Variants in PPA2 observed in about 807,000 individuals in gnomAD.
PPA2 encodes inorganic pyrophosphatase 2, mitochondrial.
PPA2 carries 48 observed loss-of-function variants against 49.5 expected under a neutral mutation model. The ratio of observed to expected loss-of-function variants is 0.97; its 90% CI spans 0.77 to 1.23. The LOEUF (loss-of-function observed/expected upper bound fraction) is 1.23, where lower values mean the gene tolerates loss of function less well. Ranked by LOEUF, PPA2 falls within the 50% of genes most tolerant of loss-of-function variation. The pLI is 0.00. For synonymous variants in PPA2, 131 were observed against 139.9 expected, an observed-to-expected ratio of 0.94 and a Z score of 0.45; for missense variants, 429 against 410.1, an observed-to-expected ratio of 1.05 and a Z score of -0.40.
chr4:105,394,395 G>GAAATA, intron 9 of PPA2, among the ~76,000 whole-genome samples: 2 of 137,648 alleles, frequency 1.5e-5, no homozygotes, highest in Non-Finnish European at 1.5e-5. Flanking sequence ...AAAAAAGAAA[G>GAAATA]AAAAAAAAAG....
chr4:105,421,536 CTTGA>C (rs1333572862), intron 7 of PPA2, among the ~76,000 whole-genome samples: 1 of 151,988 alleles, frequency 6.6e-6, no homozygotes, highest in African/African-American at 2.4e-5. Flanking sequence ...TTAAAAGTTG[CTTGA>C]TTTAGGATTA....
chr4:105,415,570 C>T (rs772072070), intron 7 of PPA2, among the ~76,000 whole-genome samples: 10 of 152,172 alleles, frequency 6.6e-5, no homozygotes, highest in East Asian at 1.9e-4. Flanking sequence ...CTCAGGCCCC[C>T]GAGAGTGCAG....
intron 1 of PPA2, among the ~76,000 whole-genome samples, chr4:105,459,900 G>T (rs995312108): frequency 6.6e-6 from 1 of 152,208 alleles, no homozygotes; most frequent in African/African-American, 2.4e-5. Context: ...GGGGCTGATG[G>T]TAAGAGAGTA....
Position 105,446,502 on chromosome 4 carries a change from T to TA in PPA2, c.322-1_322insT (p.Ile108TyrfsTer11). On this transcript the variant is annotated frameshift_variant and splice_region_variant. Transcript: ENST00000341695. LOFTEE classifies it high-confidence loss of function. Reference sequence around the variant, plus strand: ...GGATTCATTGGCTCCTTGGTGGCAATCTAAGCAAATCACAGAAGGAAGAAA... The same window carrying TA: ...GGATTCATTGGCTCCTTGGTGGCAATACTAAGCAAATCACAGAAGGAAGAAA... 1 of 1,599,554 alleles carries TA rather than the reference T, an allele frequency of 6.3e-7. No homozygotes were observed. Among genetic ancestry groups the TA allele is most frequent in the African/African-American group, 1.3e-5 (1 of 74,284 alleles).
At chr4:105,397,867 G>A (rs1403763531) in intron 8 of PPA2, among the ~76,000 whole-genome samples, 2 of 152,168 alleles carry the variant, frequency 1.3e-5, no homozygotes, top group African/African-American at 4.8e-5. Context: ...CCAGCACCAT[G>A]CTTCTGGTAT....
chr4:105,381,218 T>C (rs1397052698), intron 10 of PPA2, among the ~76,000 whole-genome samples: 1 of 152,064 alleles, frequency 6.6e-6, no homozygotes, highest in Admixed American at 6.6e-5. Context: ...GTTTACACAA[T>C]TTTTTTCTAC....
At chr4:105,448,895 AGCTTT>A (rs1722532613) in intron 4 of PPA2, among the ~76,000 whole-genome samples, 1 of 152,154 alleles carries the variant, frequency 6.6e-6, no homozygotes, top group Non-Finnish European at 1.5e-5. Context: ...GTATATACTT[AGCTTT>A]GAGTATTTTT....
intron 6 of PPA2, among the ~76,000 whole-genome samples, chr4:105,430,187 ATTTAT>A (rs1425942162): frequency 2.0e-5 from 3 of 152,226 alleles, no homozygotes; most frequent in Non-Finnish European, 2.9e-5. Flanking sequence ...TCCTGAAATT[ATTTAT>A]TTTGAGGGAA....
intron 10 of PPA2, 112 bp from the exon 11 acceptor site, chr4:105,370,985 C>A: frequency 3.0e-6 from 3 of 1,007,304 alleles, no homozygotes; most frequent in Non-Finnish European, 3.9e-6. Context: ...CACAATGGAT[C>A]TCTAACCTGA....
chr4:105,415,200 G>T (rs1722951274), intron 7 of PPA2, among the ~76,000 whole-genome samples: 1 of 152,186 alleles, frequency 6.6e-6, no homozygotes, highest in African/African-American at 2.4e-5. Flanking sequence ...GCCATCCCTG[G>T]CTTTAAGGTG....
At chr4:105,425,163 C>T (rs1410986795) in intron 6 of PPA2, among the ~76,000 whole-genome samples, 2 of 152,150 alleles carry the variant, frequency 1.3e-5, no homozygotes, top group African/African-American at 4.8e-5. Context: ...CAACAACATC[C>T]AGGCACTCGA....
intron 2 of PPA2, 78 bp from the exon 3 acceptor site, chr4:105,453,720 A>T: frequency 2.7e-6 from 3 of 1,109,134 alleles, no homozygotes; most frequent in Non-Finnish European, 4.0e-6. Context: ...TAAAAATATG[A>T]CTATTGTATA....
At chr4:105,435,429 C>A (rs931688721) in intron 6 of PPA2, among the ~76,000 whole-genome samples, 1 of 152,022 alleles carries the variant, frequency 6.6e-6, no homozygotes, top group Non-Finnish European at 1.5e-5. Flanking sequence ...ATGAATATCA[C>A]CAAGGCACAC....
Position 105,425,345 on chromosome 4 carries a change from C to G in PPA2, c.529-1023G>C, listed in dbSNP as rs1328939482. ...ATATGCTCAAAGATTTAAAGAAAAA[C>G]ATGACAATATGGAAGAGAGAAATAG... On this transcript the variant is annotated intron_variant, in intron 6 of 11. Transcript: ENST00000341695. 2.0e-5 allele frequency among the ~76,000 whole-genome samples: 3 copies of G among 151,868 alleles called. No homozygotes were observed. In the East Asian group the frequency reaches 5.8e-4, roughly 29 times the overall value.
intron 1 of PPA2, among the ~76,000 whole-genome samples, chr4:105,465,853 C>G (rs576992607): frequency 6.6e-6 from 1 of 152,168 alleles, no homozygotes; most frequent in African/African-American, 2.4e-5. Flanking sequence ...TCTATTATCC[C>G]TTTTACAATT....
At chr4:105,470,760 T>C (rs1454827271) in intron 1 of PPA2, among the ~76,000 whole-genome samples, 1 of 152,224 alleles carries the variant, frequency 6.6e-6, no homozygotes, top group Non-Finnish European at 1.5e-5. Flanking sequence ...TCTATAAAAT[T>C]ACTAGTGCTA....
intron 5 of PPA2, 100 bp downstream of exon 5, chr4:105,446,283 A>G (rs1328026671): frequency 2.4e-6 from 3 of 1,245,730 alleles, no homozygotes; most frequent in African/African-American, 1.6e-5. Context: ...TCTCCAAATG[A>G]CATGTCCTCA....
rs76462608 is a variant in PPA2 at position 105,437,181 on chromosome 4, A to G, written c.528+769T>C. On this transcript the variant is annotated intron_variant, in intron 6 of 11. Coordinates refer to ENST00000341695, the MANE Select transcript of PPA2 (RefSeq NM_176869.3). ...AGAAATATAAGTGGCCAAGAAACAC[A>G]TGAAAAATGCTCTACATCACTAATC... Among the ~76,000 whole-genome samples, 268 of 152,322 alleles carry G rather than the reference A, an allele frequency of 1.8e-3. 1 individual carries two copies. Among genetic ancestry groups the G allele is most frequent in the African/African-American group, 4.8e-3 (199 of 41,580 alleles).
At chr4:105,474,064 G>T, upstream of PPA2, 1 of 1,538,996 alleles carries the variant, frequency 6.5e-7, no homozygotes, top group Non-Finnish European at 8.8e-7. Context: ...GTCAATGACG[G>T]TCCTGCTGTG....
Sources: allele counts gnomAD v4.1 joint callset (sites outside exome capture counted in the v4.1 genomes callset), GRCh38; gene constraint gnomAD v4.1.1; transcripts MANE v1.5; gene names NCBI Gene and HGNC (gene_info 2026-07-23, HGNC 2026-07-21).